Variants in PPARG observed in about 807,000 individuals in gnomAD.
PPARG encodes the protein peroxisome proliferator activated receptor gamma.
A neutral mutation model predicts 39.2 loss-of-function variants in PPARG; 17 were observed. The ratio of observed to expected loss-of-function variants is 0.43; its 90% CI spans 0.30 to 0.65. The LOEUF is 0.65. PPARG is among the 30% of genes least tolerant of loss of function. The pLI, the probability that PPARG is intolerant of heterozygous loss-of-function variation, is 0.13. For missense variants in PPARG, 406 were observed against 585.9 expected (o/e 0.69, Z 3.17); for synonymous variants, 223 against 215.7 (o/e 1.03, Z -0.30).
chr3:12,394,055 G>C (rs1009577536), intron 5 of PPARG, among the ~76,000 whole-genome samples: 1 of 152,176 alleles, frequency 6.6e-6, no homozygotes, highest in Non-Finnish European at 1.5e-5. Flanking sequence ...TGCTGGTTCA[G>C]TTCCATCAGT....
chr3:12,349,033 A>T (rs1322779780), intron 2 of PPARG, among the ~76,000 whole-genome samples: 1 of 152,230 alleles, frequency 6.6e-6, no homozygotes. Flanking sequence ...TAATGACTGT[A>T]CTTAAACAAA....
chr3:12,321,623 C>T (rs2047548090), intron 2 of PPARG, among the ~76,000 whole-genome samples: 1 of 152,168 alleles, frequency 6.6e-6, no homozygotes, highest in Non-Finnish European at 1.5e-5. Flanking sequence ...TTTCCATCAT[C>T]CTCCAGTCCA....
At chr3:12,289,720 G>C (rs1380595795) in intron 1 of PPARG, among the ~76,000 whole-genome samples, 1 of 152,152 alleles carries the variant, frequency 6.6e-6, no homozygotes, top group Non-Finnish European at 1.5e-5. Flanking sequence ...TTCTGGTATA[G>C]GGACTGGCAT....
chr3:12,328,584 A>G (rs880663), intron 2 of PPARG, among the ~76,000 whole-genome samples: 38,279 of 152,102 alleles, frequency 0.25, 4,945 homozygotes, highest in East Asian at 0.33. Flanking sequence ...CACTAGGCAC[A>G]CCAGCCAGAC....
intron 2 of PPARG, among the ~76,000 whole-genome samples, chr3:12,347,037 TAAAG>T (rs1295697589): frequency 6.6e-6 from 1 of 152,138 alleles, no homozygotes; most frequent in East Asian, 1.9e-4. Context: ...AGTTTTTGGT[TAAAG>T]AAGAATGGAT....
intron 2 of PPARG, among the ~76,000 whole-genome samples, chr3:12,313,527 G>A (rs537822025): frequency 8.5e-5 from 13 of 152,162 alleles, no homozygotes; most frequent in African/African-American, 1.9e-4. Context: ...TAAGTGTTAA[G>A]CAAATATTCC....
intron 6 of PPARG, chr3:12,406,306 A>G (rs1010297332): frequency 2.2e-5 from 13 of 582,870 alleles, no homozygotes; most frequent in Non-Finnish European, 4.0e-5. Context: ...GTTTTTGAGA[A>G]TAGTGTAACA....
chr3:12,416,705 C>T lies in PPARG; in HGVS notation c.731C>T (p.Pro244Leu), dbSNP rs200116144. The T allele has an allele frequency of 1.2e-6, 2 of 1,613,132 alleles. No individual in the cohort carries two copies. The highest frequency in any genetic ancestry group is 1.1e-5 in the South Asian group (1 of 90,956). The change falls in exon 7 of 8, where the codon CCA becomes CTA. Residue 244 changes from proline (P) to leucine (L), a missense_variant and splice_region_variant. Physicochemically the swap from Pro to Leu is moderately conservative, Grantham distance 98. Coordinates refer to ENST00000651735, the MANE Select transcript of PPARG (RefSeq NM_138711.6). ...ILTGKTTDKS[P>L]FVIYDMNSLM... ...ACGTTTTCCCTGTTTTATTTGCAGCCATTCGTTATCTATGACATGAATTCC... is the reference window on the plus strand; with the variant it reads ...ACGTTTTCCCTGTTTTATTTGCAGCTATTCGTTATCTATGACATGAATTCC...
intron 2 of PPARG, among the ~76,000 whole-genome samples, chr3:12,320,844 A>C (rs1056744212): frequency 1.3e-5 from 2 of 152,214 alleles, no homozygotes; most frequent in African/African-American, 4.8e-5. Flanking sequence ...GCACCACTGC[A>C]CTCCAGCCTG....
At chr3:12,362,094 A>G (rs2048865009) in intron 2 of PPARG, among the ~76,000 whole-genome samples, 1 of 152,142 alleles carries the variant, frequency 6.6e-6, no homozygotes, top group African/African-American at 2.4e-5. Flanking sequence ...TGCAAAAATA[A>G]TTTTTAAATT....
intron 1 of PPARG, among the ~76,000 whole-genome samples, chr3:12,293,458 C>G (rs1291427061): frequency 2.0e-5 from 3 of 152,012 alleles, no homozygotes; most frequent in African/African-American, 7.3e-5. Flanking sequence ...TTAGCAAAAA[C>G]GTGGGGTGAG....
At chr3:12,383,973 G>A (rs2049778054) in intron 4 of PPARG, among the ~76,000 whole-genome samples, 1 of 152,056 alleles carries the variant, frequency 6.6e-6, no homozygotes, top group Admixed American at 6.6e-5. Flanking sequence ...ACCTATCATA[G>A]ATTAAAAAGC....
rs375776836 is a variant in PPARG at position 12,413,491 on chromosome 3, T to A, written c.730-3213T>A. 4.6e-5 allele frequency among the ~76,000 whole-genome samples: 7 copies of A among 152,124 alleles called. No homozygotes were observed. In the East Asian group the frequency reaches 5.8e-4, roughly 13 times the overall value. On this transcript the variant is annotated intron_variant, in intron 6 of 7. Coordinates refer to ENST00000651735, the MANE Select transcript of PPARG (RefSeq NM_138711.6). ...GAATTCTCTGCTAGTTCACCTCTTC[T>A]TCAGAATGCAGAAAGGATTGAAAAA... is the stretch of plus-strand genomic sequence containing the variant.
chr3:12,356,918 AG>A (rs1304386090), intron 2 of PPARG, among the ~76,000 whole-genome samples: 1 of 152,086 alleles, frequency 6.6e-6, no homozygotes. Context: ...CTGTCCTTCA[AG>A]GTCAGCTTCA....
At chr3:12,356,114 C>G (rs1430334819) in intron 2 of PPARG, among the ~76,000 whole-genome samples, 2 of 152,160 alleles carry the variant, frequency 1.3e-5, no homozygotes, top group Non-Finnish European at 2.9e-5. Context: ...AGAGGTTGTC[C>G]AGTAAATGCT....
intron 2 of PPARG, among the ~76,000 whole-genome samples, chr3:12,359,314 G>A (rs2125112593): frequency 6.6e-6 from 1 of 152,258 alleles, no homozygotes. Flanking sequence ...AAAATAAAAT[G>A]AGGAAGTTTG....
chr3:12,329,940 G>A (rs902073637), intron 2 of PPARG, among the ~76,000 whole-genome samples: 1 of 152,230 alleles, frequency 6.6e-6, no homozygotes, highest in South Asian at 2.1e-4. Context: ...TCTTCAAGGT[G>A]CATCCATGTT....
intron 5 of PPARG, among the ~76,000 whole-genome samples, chr3:12,395,103 C>A (rs2050212422): frequency 6.6e-6 from 1 of 152,210 alleles, no homozygotes; most frequent in South Asian, 2.1e-4. Flanking sequence ...ACCCTAGGGG[C>A]TCTTGCTAAT....
At chr3:12,385,052 C>G (rs760883441) in intron 4 of PPARG, among the ~76,000 whole-genome samples, 1 of 152,120 alleles carries the variant, frequency 6.6e-6, no homozygotes, top group Non-Finnish European at 1.5e-5. Flanking sequence ...AATACTGCTG[C>G]ATTAGACCAG....
Sources: allele counts gnomAD v4.1 joint callset (sites outside exome capture counted in the v4.1 genomes callset), GRCh38; gene constraint gnomAD v4.1.1; transcripts MANE v1.5; gene names NCBI Gene and HGNC (gene_info 2026-07-23, HGNC 2026-07-21).